The following ATXN1 variants were observed in gnomAD, a reference collection of about 807,000 sequenced individuals.
The protein encoded by ATXN1 is ataxin 1.
In ATXN1, 8 loss-of-function variants were observed where a neutral mutation model predicts 56.4. That is an observed-to-expected ratio of 0.14 (90% CI 0.08 to 0.26). The LOEUF is 0.26. ATXN1 is among the 10% of genes least tolerant of loss of function. The pLI, the probability that ATXN1 is intolerant of heterozygous loss-of-function variation, is 1.00. For missense variants in ATXN1, 987 were observed against 1,106.5 expected, an observed-to-expected ratio of 0.89 and a Z score of 1.53; for synonymous variants, 514 against 494.6, an observed-to-expected ratio of 1.04 and a Z score of -0.52.
At chr6:16,680,177 G>A (rs549211269) in intron 2 of ATXN1, among the ~76,000 whole-genome samples, 6 of 152,030 alleles carry the variant, frequency 3.9e-5, no homozygotes, top group African/African-American at 1.4e-4. Context: ...AGGTATCAGA[G>A]GCTGCTGCCC....
intron 2 of ATXN1, among the ~76,000 whole-genome samples, chr6:16,728,127 C>T (rs1244583775): frequency 6.6e-6 from 1 of 152,212 alleles, no homozygotes; most frequent in Non-Finnish European, 1.5e-5. Context: ...TCCCTTCCCT[C>T]CCTGCTCCTT....
intron 2 of ATXN1, among the ~76,000 whole-genome samples, chr6:16,706,938 C>T (rs1014767025): frequency 2.0e-5 from 3 of 152,170 alleles, no homozygotes; most frequent in Non-Finnish European, 2.9e-5. Context: ...GTTTTCCTAA[C>T]AGCTATTGAA....
At chr6:16,621,150 G>A (rs1440182515) in intron 3 of ATXN1, among the ~76,000 whole-genome samples, 1 of 152,170 alleles carries the variant, frequency 6.6e-6, no homozygotes, top group Non-Finnish European at 1.5e-5. Flanking sequence ...GGAGCCCAAG[G>A]TCATTAGATG....
intron 6 of ATXN1, among the ~76,000 whole-genome samples, chr6:16,454,705 G>A (rs1759830771): frequency 6.6e-6 from 1 of 152,182 alleles, no homozygotes; most frequent in Non-Finnish European, 1.5e-5. Flanking sequence ...TCAGCAAGAT[G>A]AGGTCAAAAC....
intron 5 of ATXN1, 111 bp from the exon 6 acceptor site, chr6:16,486,220 C>T (rs1388702187): frequency 1.3e-5 from 2 of 152,144 alleles, no homozygotes; most frequent in Non-Finnish European, 2.9e-5. Context: ...GATAGTTCAC[C>T]AAAGACCATT....
intron 6 of ATXN1, among the ~76,000 whole-genome samples, chr6:16,341,336 A>C (rs1761242466): frequency 6.6e-6 from 1 of 152,076 alleles, no homozygotes; most frequent in Middle Eastern, 3.2e-3. Context: ...GCAGAATAAG[A>C]AATCAATGCT....
chr6:16,343,209 G>C (rs1761296053), intron 6 of ATXN1, among the ~76,000 whole-genome samples: 1 of 152,124 alleles, frequency 6.6e-6, no homozygotes, highest in African/African-American at 2.4e-5. Flanking sequence ...GCCGGGCGTG[G>C]TGGTGGGCAC....
chr6:16,428,357 G>C (rs1169944538), intron 6 of ATXN1, among the ~76,000 whole-genome samples: 1 of 151,912 alleles, frequency 6.6e-6, no homozygotes, highest in Non-Finnish European at 1.5e-5. Flanking sequence ...GACCTCAGGC[G>C]ATCCACCTGC....
chr6:16,597,200 G>A (rs1762831231), intron 3 of ATXN1, among the ~76,000 whole-genome samples: 2 of 152,230 alleles, frequency 1.3e-5, no homozygotes, highest in African/African-American at 4.8e-5. Flanking sequence ...TCCGGTGGAA[G>A]GAGGAGAATT....
intron 2 of ATXN1, among the ~76,000 whole-genome samples, chr6:16,728,910 C>G (rs1759908490): frequency 6.6e-6 from 1 of 152,194 alleles, no homozygotes; most frequent in African/African-American, 2.4e-5. Context: ...CCTTCCCATT[C>G]TCCTTCTATT....
chr6:16,342,854 G>T (rs1041370604), intron 6 of ATXN1, among the ~76,000 whole-genome samples: 1 of 152,206 alleles, frequency 6.6e-6, no homozygotes, highest in Non-Finnish European at 1.5e-5. Context: ...ACAGGCGTTA[G>T]CAGGAGCTGG....
rs757345970 is a variant in ATXN1 at position 16,306,017 on chromosome 6, C to T, written c.*312G>A. 171 of 252,030 alleles carry T rather than the reference C, an allele frequency of 6.8e-4. No individual in the cohort carries two copies. The highest frequency in any genetic ancestry group is 1.2e-3 in the Non-Finnish European group (151 of 128,438). The allele number at this position is 252,030 out of a possible 1,614,324, so 15.6% of individuals were successfully genotyped here. On this transcript the variant is annotated 3_prime_UTR_variant, in exon 8 of 8. Coordinates refer to ENST00000436367, the MANE Select transcript of ATXN1 (RefSeq NM_001128164.2). This position sits in a 1 kb window ranked among gnomAD's most constrained non-coding sequence, Gnocchi z 5.2. Reference sequence around the variant, plus strand: ...TCCTGACACTAGCGGGAGTCAGCGCCCCCGGCTGCTTCTGTGCCGCTAGAG... The same window carrying T: ...TCCTGACACTAGCGGGAGTCAGCGCTCCCGGCTGCTTCTGTGCCGCTAGAG...
At chr6:16,560,746 T>G (rs988408794) in intron 4 of ATXN1, among the ~76,000 whole-genome samples, 3 of 152,216 alleles carry the variant, frequency 2.0e-5, no homozygotes, top group African/African-American at 4.8e-5. Flanking sequence ...TTGATTCCCT[T>G]GAAGACACAT....
chr6:16,660,956 AG>A (rs1758308228), intron 2 of ATXN1, among the ~76,000 whole-genome samples: 1 of 146,460 alleles, frequency 6.8e-6, no homozygotes, highest in Admixed American at 7.1e-5. Flanking sequence ...CTCCTGCCTC[AG>A]GCTCCCAAGT....
In ATXN1 at chr6:16,512,714, CAACA is replaced by C. The variant is rs1286645989; in HGVS notation, c.-299+9909_-299+9912del. ...CCCACAGATTTTCAGACACCAACAGCAACAAACAGTCATTCCCTCCCTCCTGCAA... is the reference window on the plus strand; with the variant it reads ...CCCACAGATTTTCAGACACCAACAGCAACAGTCATTCCCTCCCTCCTGCAA... On this transcript the variant is annotated intron_variant, in intron 5 of 7. Coordinates refer to ENST00000436367, the MANE Select transcript of ATXN1 (RefSeq NM_001128164.2). 7.2e-5 allele frequency among the ~76,000 whole-genome samples: 11 copies of C among 152,284 alleles called. No homozygotes were observed. The South Asian group carries it at 1.7e-3, about 23-fold the overall frequency.
At chr6:16,352,499 C>A (rs993885556) in intron 6 of ATXN1, among the ~76,000 whole-genome samples, 1 of 152,118 alleles carries the variant, frequency 6.6e-6, no homozygotes, top group Non-Finnish European at 1.5e-5. Context: ...ACACTCAAGC[C>A]GACAGAGCAT....
chr6:16,736,626 A>C (rs1261709093), intron 2 of ATXN1, among the ~76,000 whole-genome samples: 1 of 152,216 alleles, frequency 6.6e-6, no homozygotes, highest in East Asian at 1.9e-4. Context: ...TGAAGGATTA[A>C]ATTCCTGTCA....
At chr6:16,741,897 C>T (rs969924023) in intron 2 of ATXN1, among the ~76,000 whole-genome samples, 1 of 152,136 alleles carries the variant, frequency 6.6e-6, no homozygotes, top group South Asian at 2.1e-4. Flanking sequence ...TAGTACGGTT[C>T]ATTTGGACGA....
At chr6:16,427,249 T>TG (rs937163387) in intron 6 of ATXN1, among the ~76,000 whole-genome samples, 1 of 152,142 alleles carries the variant, frequency 6.6e-6, no homozygotes, top group African/African-American at 2.4e-5. Context: ...TTCTTTGTGG[T>TG]GGGGGCTGTC....
Sources: allele counts gnomAD v4.1 joint callset (sites outside exome capture counted in the v4.1 genomes callset), GRCh38; gene constraint gnomAD v4.1.1; non-coding constraint Gnocchi (gnomAD v3.1); transcripts MANE v1.5; gene names NCBI Gene and HGNC (gene_info 2026-07-23, HGNC 2026-07-21).